CEMIP2: variants seen among roughly 807,000 people sequenced by gnomAD.
CEMIP2 encodes the protein cell migration inducing hyaluronidase 2, also known as cell surface hyaluronidase CEMIP2.
Under a neutral mutation model 146.9 loss-of-function variants are expected in CEMIP2, and 79 were observed. The ratio of observed to expected loss-of-function variants is 0.54; its 90% CI spans 0.45 to 0.65. CEMIP2 has a LOEUF of 0.65. Ranked by LOEUF, CEMIP2 falls within the 30% of genes least tolerant of loss-of-function variation. CEMIP2 has a pLI of 0.00. For missense variants in CEMIP2, 1,596 were observed against 1,696.2 expected (o/e 0.94, Z 1.04); for synonymous variants, 601 against 606.3 (o/e 0.99, Z 0.13).
Position 71,684,292 on chromosome 9 carries a change from A to G in CEMIP2, c.*905T>C, listed in dbSNP as rs933246160. On this transcript the variant is annotated 3_prime_UTR_variant, in exon 24 of 24. Transcript: ENST00000377044. ...ACACAAAACAATAACAAAAAACCCA[A>G]GTGCAAGAGCAATACCAAGAACAGA... 6.6e-6 allele frequency: 1 copy of G among 152,414 alleles called. No individual in the cohort carries two copies. Among genetic ancestry groups the G allele is most frequent in the Non-Finnish European group, 1.5e-5 (1 of 68,040 alleles). The allele number at this position is 152,414 out of a possible 1,614,324, so 9.4% of individuals were successfully genotyped here. A position where few individuals can be genotyped will look rare whatever the true frequency, so the allele number is the denominator to read the frequency against.
At chr9:71,755,663 T>A (rs1360496453) in intron 1 of CEMIP2, among the ~76,000 whole-genome samples, 1 of 151,894 alleles carries the variant, frequency 6.6e-6, no homozygotes, top group Non-Finnish European at 1.5e-5. Context: ...CCTTCTCAAG[T>A]TTCCATAAAT....
intron 9 of CEMIP2, 32 bp downstream of exon 9, chr9:71,730,016 C>T (rs1185511678): frequency 1.9e-6 from 3 of 1,613,874 alleles, no homozygotes; most frequent in Non-Finnish European, 2.5e-6. Context: ...AAGGCCCTGA[C>T]TCATGGGTTT....
At chr9:71,768,875 G>T (rs912978694), upstream of CEMIP2, 1 of 149,288 alleles carries the variant, frequency 6.7e-6, no homozygotes, top group Non-Finnish European at 1.5e-5. Flanking sequence ...AGCCCGGCTC[G>T]GCTGGGCCGG....
chr9:71,728,548 A>G (rs2131960573), intron 10 of CEMIP2, among the ~76,000 whole-genome samples: 1 of 151,558 alleles, frequency 6.6e-6, no homozygotes, highest in East Asian at 2.0e-4. Context: ...AATTCTCAAT[A>G]ATAAATACAA....
chr9:71,730,196 T>C lies in CEMIP2; in HGVS notation c.1831A>G (p.Ile611Val). 6.2e-7 allele frequency: 1 copy of C among 1,614,202 alleles called. No homozygotes were observed. The highest frequency in any genetic ancestry group is 8.5e-7 in the Non-Finnish European group (1 of 1,180,038). ...LGHCFFLEDG[I>V]EQRNTLFHNL... ...TGGAACAAAGTATTCCTCTGTTCAA[T>C]ACCATCTTCCAAAAAGAAACAATGA... The change falls in exon 9 of 24, where the codon ATT (isoleucine) becomes GTT (valine). Residue 611 changes from isoleucine to valine, a missense_variant. By Grantham distance (29) the Ile-to-Val change is conservative (BLOSUM62 3). Coordinates refer to ENST00000377044, the MANE Select transcript of CEMIP2 (RefSeq NM_013390.3).
intron 1 of CEMIP2, among the ~76,000 whole-genome samples, chr9:71,756,852 C>A (rs1239259757): frequency 6.6e-6 from 1 of 152,144 alleles, no homozygotes; most frequent in African/African-American, 2.4e-5. Flanking sequence ...TTTAACTACA[C>A]ATTATGAAAT....
chr9:71,709,189 G>A, intron 17 of CEMIP2, 70 bp downstream of exon 17: 4 of 1,403,660 alleles, frequency 2.8e-6, no homozygotes, highest in Non-Finnish European at 4.0e-6. Flanking sequence ...AAGCTGAAGA[G>A]TACTTCTCAC....
In CEMIP2 at chr9:71,745,321, G is replaced by C. The variant is rs753909369; in HGVS notation, c.731C>G (p.Ala244Gly). 1 of 1,613,386 alleles carries C rather than the reference G, an allele frequency of 6.2e-7. No homozygotes were observed. Among genetic ancestry groups the C allele is most frequent in the Non-Finnish European group, 8.5e-7 (1 of 1,179,462 alleles). ...GARKASWTLL[A>G]RTLNSSGLPF... ...CAAGCCTGAGGAATTCAGGGTCCTT[G>C]CCAACAACGTCCACGATGCCTTCCG... The change falls in exon 4 of 24, where the codon GCA becomes GGA. Residue 244 changes from alanine (A) to glycine (G), a missense_variant. Transcript: ENST00000377044.
rs1240961307 is a variant in CEMIP2, at chr9:71,746,146, TC to T, written c.472+54del. On this transcript the variant is annotated intron_variant, in intron 3 of 23. Transcript: ENST00000377044. Reference sequence around the variant, plus strand: ...TCTTCTACATAAGGAACATCAAATATCCCCCACATTAAAGAGCAACCTTGCA... The same window carrying T: ...TCTTCTACATAAGGAACATCAAATATCCCCACATTAAAGAGCAACCTTGCA... The T allele has an allele frequency of 6.3e-6, 10 of 1,578,296 alleles. No individual in the cohort carries two copies. In the East Asian group the frequency reaches 2.3e-4, roughly 36 times the overall value.
intron 21 of CEMIP2, 76 bp downstream of exon 21, chr9:71,694,432 TG>T (rs1313267560): frequency 1.6e-5 from 19 of 1,216,732 alleles, no homozygotes; most frequent in Admixed American, 5.6e-5. Context: ...CAATTTCTGT[TG>T]TTTATAAGCT....
chr9:71,735,914 G>A (rs756826751), intron 5 of CEMIP2, among the ~76,000 whole-genome samples: 13 of 152,068 alleles, frequency 8.5e-5, no homozygotes, highest in Non-Finnish European at 1.8e-4. Flanking sequence ...GCAACAGAGC[G>A]AGGCCCCATC....
intron 7 of CEMIP2, among the ~76,000 whole-genome samples, chr9:71,731,930 A>G (rs1412103108): frequency 1.3e-5 from 2 of 152,144 alleles, no homozygotes; most frequent in Non-Finnish European, 2.9e-5. Context: ...CATACAAAAA[A>G]TATTTTTATA....
intron 16 of CEMIP2, among the ~76,000 whole-genome samples, chr9:71,710,540 C>T (rs1245457765): frequency 2.0e-5 from 3 of 152,180 alleles, no homozygotes; most frequent in African/African-American, 7.2e-5. Context: ...AGCTTCAGAG[C>T]ATCCCCACCA....
At chr9:71,698,604 AT>A (rs11342068) in intron 19 of CEMIP2, among the ~76,000 whole-genome samples, 124,092 of 152,186 alleles carry the variant, frequency 0.82, 50,730 homozygotes, top group East Asian at 0.94. Flanking sequence ...TTCATAAATC[AT>A]TTTGGTTAAG....
rs1824216934 is a variant in CEMIP2, at chr9:71,750,427, T to A, written c.-12-42A>T. ...AAATTAAGCTTCAGTATGTGTAAAT[T>A]CTTTTTTAATTTCTTTTATTTATTT... On this transcript the variant is annotated intron_variant, in intron 1 of 23. Transcript: ENST00000377044. 3.0e-6 allele frequency: 4 copies of A among 1,339,074 alleles called. No homozygotes were observed. The Admixed American group carries it at 1.1e-4, about 35-fold the overall frequency. 82.9% of individuals were successfully genotyped at this position (1,339,074 alleles called of 1,614,324 possible).
intron 21 of CEMIP2, among the ~76,000 whole-genome samples, chr9:71,694,114 T>C (rs1035391221): frequency 1.0e-4 from 15 of 148,510 alleles, no homozygotes; most frequent in African/African-American, 3.4e-4. Flanking sequence ...TTTATTTATT[T>C]ATTTATTTAT....
At chr9:71,758,173 G>A (rs1824521275) in intron 1 of CEMIP2, among the ~76,000 whole-genome samples, 1 of 152,112 alleles carries the variant, frequency 6.6e-6, no homozygotes, top group Admixed American at 6.5e-5. Flanking sequence ...TGAGAAAACG[G>A]ACATATGGTT....
At chr9:71,722,204 T>G (rs554753676) in intron 12 of CEMIP2, among the ~76,000 whole-genome samples, 3 of 152,162 alleles carry the variant, frequency 2.0e-5, no homozygotes, top group African/African-American at 7.2e-5. Flanking sequence ...TTTATAGCAA[T>G]GAAAAAGGAG....
chr9:71,742,395 T>C (rs1453590828), intron 4 of CEMIP2, among the ~76,000 whole-genome samples: 2 of 152,230 alleles, frequency 1.3e-5, no homozygotes, highest in Non-Finnish European at 2.9e-5. Flanking sequence ...CAATGTTCTT[T>C]CTCTTCTATC....
Sources: allele counts gnomAD v4.1 joint callset (sites outside exome capture counted in the v4.1 genomes callset), GRCh38; gene constraint gnomAD v4.1.1; transcripts MANE v1.5; gene names NCBI Gene and HGNC (gene_info 2026-07-23, HGNC 2026-07-21).